KCNC2: variants seen among roughly 807,000 people sequenced by gnomAD.
KCNC2 encodes the protein potassium voltage-gated channel subfamily C member 2.
A neutral mutation model predicts 44.5 loss-of-function variants in KCNC2; 21 were observed. The observed-to-expected ratio is 0.47, with a 90% CI of 0.33 to 0.68. The LOEUF (loss-of-function observed/expected upper bound fraction) is 0.68. Among genes scored for constraint, KCNC2 ranks in the 30% least tolerant of loss-of-function variants. The pLI is 0.01. For missense variants in KCNC2, 589 were observed against 826.2 expected (o/e 0.71, Z 3.52); for synonymous variants, 391 against 339.1 (o/e 1.15, Z -1.68).
chr12:75,041,411 A>G lies in KCNC2; in HGVS notation c.*1694T>C, dbSNP rs149917528. ...AGGACTTGGGGATATAGAGTAATAC[A>G]TGTTTCGTGGCCAATAATAAAAGTG... On this transcript the variant is annotated 3_prime_UTR_variant, in exon 5 of 5. Coordinates refer to ENST00000549446, the MANE Select transcript of KCNC2 (RefSeq NM_139137.4). The G allele has an allele frequency of 7.3e-3, 9,645 of 1,327,396 alleles. 53 individuals carry two copies. Among genetic ancestry groups the G allele is most frequent in the Non-Finnish European group, 8.7e-3 (9,005 of 1,035,562 alleles). 82.2% of individuals were successfully genotyped at this position (1,327,396 alleles called of 1,614,324 possible).
intron 2 of KCNC2, among the ~76,000 whole-genome samples, chr12:75,117,516 C>T (rs1192297965): frequency 6.6e-6 from 1 of 152,140 alleles, no homozygotes; most frequent in Non-Finnish European, 1.5e-5. Context: ...ACATCCCAGT[C>T]ACTTCGCTAC....
At chr12:75,112,111 A>G (rs1887304421) in intron 2 of KCNC2, among the ~76,000 whole-genome samples, 1 of 151,948 alleles carries the variant, frequency 6.6e-6, no homozygotes, top group African/African-American at 2.4e-5. Context: ...TTTTTTGTTA[A>G]CTATAATTTA....
intron 2 of KCNC2, among the ~76,000 whole-genome samples, chr12:75,151,234 C>T (rs553561695): frequency 2.0e-5 from 3 of 152,016 alleles, no homozygotes; most frequent in African/African-American, 7.2e-5. Flanking sequence ...ATCAAACAAA[C>T]ATACTGTCTA....
At chr12:75,190,852 AT>A (rs1470317510) in intron 2 of KCNC2, among the ~76,000 whole-genome samples, 3 of 152,052 alleles carry the variant, frequency 2.0e-5, no homozygotes, top group African/African-American at 7.2e-5. Flanking sequence ...AATTATATGT[AT>A]ATAGTATAAA....
At chr12:75,126,654 C>A (rs935740398) in intron 2 of KCNC2, among the ~76,000 whole-genome samples, 4 of 152,042 alleles carry the variant, frequency 2.6e-5, no homozygotes, top group Non-Finnish European at 5.9e-5. Flanking sequence ...CATTCAGAAT[C>A]GTTCTGGCAC....
At chr12:75,112,569 T>G (rs563170854) in intron 2 of KCNC2, among the ~76,000 whole-genome samples, 3 of 152,198 alleles carry the variant, frequency 2.0e-5, no homozygotes, top group African/African-American at 7.2e-5. Flanking sequence ...ATCCAGTATT[T>G]CCTTTCTTAA....
chr12:75,079,198 T>C (rs1311245723), intron 2 of KCNC2, among the ~76,000 whole-genome samples: 1 of 152,096 alleles, frequency 6.6e-6, no homozygotes, highest in African/African-American at 2.4e-5. Flanking sequence ...ACCCTATTTA[T>C]GGTATGTTCT....
At chr12:75,152,541 T>C (rs1890477098) in intron 2 of KCNC2, among the ~76,000 whole-genome samples, 1 of 151,940 alleles carries the variant, frequency 6.6e-6, no homozygotes, top group African/African-American at 2.4e-5. Context: ...AATTTTTATT[T>C]ATATCCTTCA....
chr12:75,083,977 G>A (rs1239095320), intron 2 of KCNC2, among the ~76,000 whole-genome samples: 1 of 151,896 alleles, frequency 6.6e-6, no homozygotes, highest in East Asian at 1.9e-4. Flanking sequence ...AGTGGATTGT[G>A]AAAGCACTGA....
Position 75,042,489 on chromosome 12 carries a change from A to C in KCNC2, c.*616T>G. ...ATATATTTCTTTCAAATAATAAGAAAAAAATGTCAAGGAGAAAAGTGCCCT... is the reference window on the plus strand; with the variant it reads ...ATATATTTCTTTCAAATAATAAGAACAAAATGTCAAGGAGAAAAGTGCCCT... On this transcript the variant is annotated 3_prime_UTR_variant, in exon 5 of 5. Coordinates refer to ENST00000549446, the MANE Select transcript of KCNC2 (RefSeq NM_139137.4). 6.9e-7 allele frequency: 1 copy of C among 1,445,914 alleles called. No individual in the cohort carries two copies. The highest frequency in any genetic ancestry group is 9.1e-7 in the Non-Finnish European group (1 of 1,098,036). The allele number at this position is 1,445,914 out of a possible 1,614,324, so 89.6% of individuals were successfully genotyped here.
At chr12:75,111,152 A>G (rs1394422817) in intron 2 of KCNC2, among the ~76,000 whole-genome samples, 1 of 152,168 alleles carries the variant, frequency 6.6e-6, no homozygotes, top group Non-Finnish European at 1.5e-5. Flanking sequence ...CTTTAAAAGT[A>G]AAATCACTGT....
At chr12:75,134,404 T>C (rs1889080047) in intron 2 of KCNC2, among the ~76,000 whole-genome samples, 1 of 151,940 alleles carries the variant, frequency 6.6e-6, no homozygotes, top group South Asian at 2.1e-4. Flanking sequence ...AGGCATGATA[T>C]TTATCTCTGA....
chr12:75,110,798 CA>C, intron 2 of KCNC2, among the ~76,000 whole-genome samples: 1 of 151,718 alleles, frequency 6.6e-6, no homozygotes, highest in South Asian at 2.1e-4. Flanking sequence ...AGTTGTAAAG[CA>C]AAAAAGAAGA....
At chr12:75,077,204 C>A (rs1049514888) in intron 2 of KCNC2, among the ~76,000 whole-genome samples, 8 of 152,118 alleles carry the variant, frequency 5.3e-5, no homozygotes, top group Non-Finnish European at 7.4e-5. Flanking sequence ...ACCACGAGGA[C>A]TAGCATTGCC....
intron 2 of KCNC2, among the ~76,000 whole-genome samples, chr12:75,197,795 CA>C (rs1341784634): frequency 6.6e-6 from 1 of 151,888 alleles, no homozygotes; most frequent in East Asian, 1.9e-4. Context: ...AGAGGAAACA[CA>C]AAAGACTATA....
At chr12:75,065,315 G>A (rs1019354567) in intron 2 of KCNC2, among the ~76,000 whole-genome samples, 2 of 151,980 alleles carry the variant, frequency 1.3e-5, no homozygotes, top group Non-Finnish European at 2.9e-5. Context: ...ACCCCTAACA[G>A]CAGTGAGTAT....
chr12:75,124,418 T>C (rs1449713434), intron 2 of KCNC2, among the ~76,000 whole-genome samples: 1 of 152,186 alleles, frequency 6.6e-6, no homozygotes, highest in Middle Eastern at 3.2e-3. Flanking sequence ...GAGAGGACTT[T>C]TAATATGCTT....
chr12:75,041,238 T>A lies in KCNC2; in HGVS notation c.*1867A>T, dbSNP rs1879867991. ...TCAATAACAGCAGCACCAGACAGCA[T>A]ATTAATTCTTTTACCATAAATTTGT... On this transcript the variant is annotated 3_prime_UTR_variant, in exon 5 of 5. Coordinates refer to ENST00000549446, the MANE Select transcript of KCNC2 (RefSeq NM_139137.4). The A allele has an allele frequency of 6.3e-7, 1 of 1,592,742 alleles. No homozygotes were observed. Among genetic ancestry groups the A allele is most frequent in the Non-Finnish European group, 8.5e-7 (1 of 1,176,282 alleles).
intron 2 of KCNC2, among the ~76,000 whole-genome samples, chr12:75,136,982 T>G (rs181354117): frequency 1.0e-3 from 152 of 152,304 alleles, no homozygotes; most frequent in African/African-American, 3.5e-3. Context: ...TTGTCAAATT[T>G]GCAATTATAA....
Sources: gnomAD v4.1 joint callset for allele counts (sites outside exome capture counted in the v4.1 genomes callset) on GRCh38, gnomAD v4.1.1 for gene constraint, MANE v1.5 for transcripts, NCBI Gene and HGNC (gene_info 2026-07-23, HGNC 2026-07-21) for gene names.